SNTG1: variants seen among roughly 807,000 people sequenced by gnomAD.
SNTG1 encodes the protein gamma-1-syntrophin.
A neutral mutation model predicts 74.7 loss-of-function variants in SNTG1; 39 were observed. The ratio of observed to expected loss-of-function variants is 0.52; its 90% confidence interval spans 0.40 to 0.68. The LOEUF is 0.68. Among genes scored for constraint, SNTG1 ranks in the 30% least tolerant of loss-of-function variants. The pLI is 0.00. For synonymous variants in SNTG1, 254 were observed against 217.1 expected, an observed-to-expected ratio of 1.17 and a Z score of -1.49; for missense variants, 685 against 609.5, an observed-to-expected ratio of 1.12 and a Z score of -1.30.
chr8:50,012,647 T>C (rs938221371), intron 1 of SNTG1, among the ~76,000 whole-genome samples: 1 of 152,080 alleles, frequency 6.6e-6, no homozygotes, highest in African/African-American at 2.4e-5. Flanking sequence ...TTACTCACAG[T>C]TCCCTAGAAG....
rs2130420755 is a variant in SNTG1 at position 50,537,880 on chromosome 8, A to T, written c.680+1072A>T. Among the ~76,000 whole-genome samples, 3 of 152,306 alleles carry T rather than the reference A, an allele frequency of 2.0e-5. No individual in the cohort carries two copies. The East Asian group carries it at 5.8e-4, about 29-fold the overall frequency. On this transcript the variant is annotated intron_variant, in intron 11 of 18. Coordinates refer to ENST00000642720, the MANE Select transcript of SNTG1 (RefSeq NM_018967.5). Reference sequence around the variant, plus strand: ...GTTCCAATAAAACTTTTTCACAAAAACAGGTGGCAGGCTAGATTTGTCCCA... The same window carrying T: ...GTTCCAATAAAACTTTTTCACAAAATCAGGTGGCAGGCTAGATTTGTCCCA...
At chr8:50,777,631 A>C (rs570829814) in intron 18 of SNTG1, among the ~76,000 whole-genome samples, 1 of 145,054 alleles carries the variant, frequency 6.9e-6, no homozygotes, top group Admixed American at 6.6e-5. Flanking sequence ...CACTGTTGGC[A>C]TCTTTTGAAT....
chr8:50,283,768 T>C (rs982228997), intron 2 of SNTG1, among the ~76,000 whole-genome samples: 1 of 152,204 alleles, frequency 6.6e-6, no homozygotes, highest in African/African-American at 2.4e-5. Flanking sequence ...TGTGGTTTTC[T>C]TGATGTAGGC....
chr8:50,028,116 C>G (rs1260726943), intron 1 of SNTG1, among the ~76,000 whole-genome samples: 2 of 152,126 alleles, frequency 1.3e-5, no homozygotes, highest in Non-Finnish European at 2.9e-5. Context: ...TGTATATACA[C>G]AGTCACACCC....
chr8:50,707,458 C>CT (rs151291431), intron 16 of SNTG1, among the ~76,000 whole-genome samples: 4,426 of 151,860 alleles, frequency 0.029, 141 homozygotes, highest in East Asian at 0.13. Context: ...CTTTAGTCTG[C>CT]TTTTTTTAAA....
chr8:50,338,009 G>A (rs558781691), intron 2 of SNTG1, among the ~76,000 whole-genome samples: 16 of 152,062 alleles, frequency 1.1e-4, no homozygotes, highest in Non-Finnish European at 1.6e-4. Context: ...GGTGGCGGGC[G>A]CCTGTAGTCC....
chr8:50,425,032 T>C (rs1295153704), intron 4 of SNTG1, among the ~76,000 whole-genome samples: 3 of 152,138 alleles, frequency 2.0e-5, no homozygotes, highest in African/African-American at 4.8e-5. Flanking sequence ...TTTTTTTCCA[T>C]AGTAGAGATA....
chr8:50,127,807 T>G (rs1407806087), intron 1 of SNTG1, among the ~76,000 whole-genome samples: 1 of 152,172 alleles, frequency 6.6e-6, no homozygotes, highest in African/African-American at 2.4e-5. Flanking sequence ...AAATGTTATC[T>G]TCATTTATTT....
rs183222114 is a variant in SNTG1 at position 50,387,316 on chromosome 8, C to G, written c.-27-6896C>G. ...GAAGAGCTCTTTAACAGAGCCACCACACAAATTTCTTCCTCAGAGTCAAGT... is the reference window on the plus strand; with the variant it reads ...GAAGAGCTCTTTAACAGAGCCACCAGACAAATTTCTTCCTCAGAGTCAAGT... On this transcript the variant is annotated intron_variant, in intron 2 of 18. Transcript: ENST00000642720. Among the ~76,000 whole-genome samples, 147 of 152,266 alleles carry G rather than the reference C, an allele frequency of 9.7e-4. 2 individuals carry two copies. The highest frequency in any genetic ancestry group is 5.9e-4 in the Non-Finnish European group (40 of 68,030).
chr8:50,349,858 G>T (rs55888325), intron 2 of SNTG1, among the ~76,000 whole-genome samples: 7,581 of 152,264 alleles, frequency 0.05, 262 homozygotes, highest in Non-Finnish European at 0.078. Context: ...CACTGTGGGA[G>T]CCCCTTTCTG....
intron 13 of SNTG1, among the ~76,000 whole-genome samples, chr8:50,604,518 T>A (rs1403687425): frequency 1.3e-5 from 2 of 152,118 alleles, no homozygotes; most frequent in Admixed American, 6.6e-5. Flanking sequence ...CCCTTTCCAC[T>A]TTTCCCTCCC....
chr8:50,622,810 A>G (rs1430871324), intron 13 of SNTG1, among the ~76,000 whole-genome samples: 1 of 149,468 alleles, frequency 6.7e-6, no homozygotes, highest in Non-Finnish European at 1.5e-5. Context: ...TAAGAACATA[A>G]TAAAATAGAA....
At chr8:50,253,121 ATTACT>A (rs952523374) in intron 2 of SNTG1, among the ~76,000 whole-genome samples, 12 of 152,232 alleles carry the variant, frequency 7.9e-5, no homozygotes, top group Admixed American at 7.9e-4. Context: ...CAGCACGGAG[ATTACT>A]TTAAGAATTA....
At chr8:50,343,785 A>AT (rs543288623) in intron 2 of SNTG1, among the ~76,000 whole-genome samples, 4 of 152,208 alleles carry the variant, frequency 2.6e-5, no homozygotes, top group African/African-American at 4.8e-5. Context: ...TATCTTACTG[A>AT]TTTTTTGAAA....
intron 2 of SNTG1, among the ~76,000 whole-genome samples, chr8:50,319,786 A>G (rs1263980572): frequency 2.0e-5 from 3 of 152,182 alleles, no homozygotes. Flanking sequence ...AAATGATTAT[A>G]TGGTTTTTGT....
At chr8:50,709,057 T>C in intron 17 of SNTG1, 79 bp downstream of exon 17, 1 of 973,740 alleles carries the variant, frequency 1.0e-6, no homozygotes, top group East Asian at 2.5e-5. Context: ...TCATAACTCC[T>C]TTCAGCATTT....
At chr8:49,942,340 A>T (rs529270693) in intron 1 of SNTG1, among the ~76,000 whole-genome samples, 1 of 152,318 alleles carries the variant, frequency 6.6e-6, no homozygotes, top group Non-Finnish European at 1.5e-5. Flanking sequence ...TTTTTTGAGT[A>T]GTTTTTAATA....
chr8:50,327,283 G>A (rs537397646), intron 2 of SNTG1, among the ~76,000 whole-genome samples: 18 of 152,184 alleles, frequency 1.2e-4, no homozygotes, highest in Admixed American at 1.1e-3. Flanking sequence ...AAAGATAATA[G>A]CGAATTCACC....
chr8:49,987,575 G>C (rs12541852), intron 1 of SNTG1, among the ~76,000 whole-genome samples: 1 of 151,854 alleles, frequency 6.6e-6, no homozygotes, highest in Non-Finnish European at 1.5e-5. Context: ...TGAAATTAGT[G>C]GACGCTAACA....
Sources: allele counts gnomAD v4.1 joint callset (sites outside exome capture counted in the v4.1 genomes callset), GRCh38; gene constraint gnomAD v4.1.1; transcripts MANE v1.5; gene names NCBI Gene and HGNC (gene_info 2026-07-23, HGNC 2026-07-21).